OR6A2: variants seen among roughly 807,000 people sequenced by gnomAD.
OR6A2 encodes the protein olfactory receptor 6A2.
OR6A2 carries 6 observed loss-of-function variants against 7.1 expected under a neutral mutation model. The ratio of observed to expected loss-of-function variants is 0.85; its 90% CI spans 0.46 to 1.68. OR6A2 has a LOEUF of 1.68. OR6A2 is among the 40% of genes most tolerant of loss of function. The probability of loss-of-function intolerance (pLI) is 0.01; values close to 1 mark genes in which losing one functional copy is unlikely to be tolerated. For missense variants in OR6A2, 431 were observed against 398.0 expected (o/e 1.08, Z -0.71); for synonymous variants, 162 against 152.1 (o/e 1.06, Z -0.48).
rs1026513362 is a variant in OR6A2 at position 6,795,837 on chromosome 11, T to C, written c.-129A>G. ...ATACCACGTAAGGAGTTCATGTAAT[T>C]AATCACTGAGCTGAGGCCACTGCTC... On this transcript the variant is annotated 5_prime_UTR_variant, in exon 2 of 2. Transcript: ENST00000641196. 2.7e-6 allele frequency: 2 copies of C among 753,998 alleles called. No homozygotes were observed. Among genetic ancestry groups the C allele is most frequent in the Middle Eastern group, 3.9e-4 (1 of 2,548 alleles). The allele number at this position is 753,998 out of a possible 1,614,324, so 46.7% of individuals were successfully genotyped here. A position where few individuals can be genotyped will look rare whatever the true frequency, so the allele number is the denominator to read the frequency against.
rs1386885506 is a variant in OR6A2 at position 6,793,552 on chromosome 11, T to C, written c.*1173A>G. ...ATTTAAATAAATATATTGATGGCAA[T>C]GCTTAGCCACAGAATGCAATTTACA... On this transcript the variant is annotated 3_prime_UTR_variant, in exon 2 of 2. Transcript: ENST00000641196. 1.3e-5 allele frequency: 2 copies of C among 152,204 alleles called. No homozygotes were observed. The highest frequency in any genetic ancestry group is 4.8e-5 in the African/African-American group (2 of 41,460). 9.4% of individuals were successfully genotyped at this position (152,204 alleles called of 1,614,324 possible). A position where few individuals can be genotyped will look rare whatever the true frequency, so the allele number is the denominator to read the frequency against.
rs888883271 is a variant in OR6A2, at chr11:6,791,771, C to A, written c.*2954G>T. The A allele has an allele frequency of 6.6e-6, 1 of 152,104 alleles. No individual in the cohort carries two copies. The highest frequency in any genetic ancestry group is 1.5e-5 in the Non-Finnish European group (1 of 67,988). The allele number at this position is 152,104 out of a possible 1,614,324, so 9.4% of individuals were successfully genotyped here. A position where few individuals can be genotyped will look rare whatever the true frequency, so the allele number is the denominator to read the frequency against. On this transcript the variant is annotated 3_prime_UTR_variant, in exon 2 of 2. Coordinates refer to ENST00000641196, the MANE Select transcript of OR6A2 (RefSeq NM_003696.3). ...ACAACGTGTTTCTTTTTAAAATAAA[C>A]TTCTAAATTTTGGAACAATATTAGG...
chr11:6,794,864 A>G lies in OR6A2; in HGVS notation c.845T>C (p.Leu282Pro), dbSNP rs773611142. The change falls in exon 2 of 2, where the codon CTG becomes CCG. Residue 282 changes from leucine to proline, a missense_variant. Transcript: ENST00000641196. Reference sequence around the variant, plus strand: ...GAGCAATGGTACAATGACAGCATACAGTACAGAGACCAACTTGTTGGTGTC... The same window carrying G: ...GAGCAATGGTACAATGACAGCATACGGTACAGAGACCAACTTGTTGGTGTC... ...AFDTNKLVSV[L>P]YAVIVPLLNP... The G allele has an allele frequency of 1.2e-5, 19 of 1,614,074 alleles. No homozygotes were observed. Among genetic ancestry groups the G allele is most frequent in the South Asian group, 7.7e-5 (7 of 91,094 alleles).
In OR6A2 at chr11:6,794,968, G is replaced by C. The variant is rs370991796; in HGVS notation, c.741C>G (p.Ala247=). Residue 247 remains alanine (A), a synonymous_variant, in exon 2 of 2, where the codon GCC becomes GCG. Transcript: ENST00000641196. ...AGATTATCACAACAGTGAGATGAGA[G>C]GCACAGGTGGAAAAGGCCTTATAGC... ...AGRYKAFSTC[A]SHLTVVIIFY... 12 of 1,614,014 alleles carry C rather than the reference G, an allele frequency of 7.4e-6. No individual in the cohort carries two copies. In the African/African-American group the frequency reaches 1.6e-4, roughly 22 times the overall value.
At position 6,795,247 on chromosome 11, in the gene OR6A2, C is replaced by A. The variant is rs750582148; in HGVS notation, c.462G>T (p.Trp154Cys). 16 of 1,614,056 alleles carry A rather than the reference C, an allele frequency of 9.9e-6. No individual in the cohort carries two copies. Among genetic ancestry groups the A allele is most frequent in the Non-Finnish European group, 1.3e-5 (15 of 1,180,020 alleles). Residue 154 changes from tryptophan to cysteine, a missense_variant, in exon 2 of 2, where the codon TGG becomes TGT. Transcript: ENST00000641196. Reference protein sequence around the residue: ...RLCVQMAAGSWAGGFGISMVK... With the variant: ...RLCVQMAAGSCAGGFGISMVK... ...CCATGGAGATGCCAAAACCTCCAGC[C>A]CAAGAGCCAGCAGCCATCTGCACAC...
chr11:6,792,359 A>G lies in OR6A2; in HGVS notation c.*2366T>C, dbSNP rs1847697968. ...TTAAGAATGTGCTGTGAAGAAACTTAAAAGGCAGACTGAGAAATCTGGAGT... is the reference window on the plus strand; with the variant it reads ...TTAAGAATGTGCTGTGAAGAAACTTGAAAGGCAGACTGAGAAATCTGGAGT... On this transcript the variant is annotated 3_prime_UTR_variant, in exon 2 of 2. Transcript: ENST00000641196. The G allele has an allele frequency of 6.6e-6, 1 of 152,248 alleles. No individual in the cohort carries two copies. The highest frequency in any genetic ancestry group is 1.5e-5 in the Non-Finnish European group (1 of 68,056). 9.4% of individuals were successfully genotyped at this position (152,248 alleles called of 1,614,324 possible).
rs2133034196 is a variant in OR6A2, at chr11:6,794,635, C to T, written c.*90G>A. ...TAGTGATGCCTTTGAAACTCTGGCC[C>T]CCAATTTAGGCCCTAAGAACTCCAC... On this transcript the variant is annotated 3_prime_UTR_variant, in exon 2 of 2. Transcript: ENST00000641196. The T allele has an allele frequency of 1.3e-6, 2 of 1,506,576 alleles. No homozygotes were observed. Among genetic ancestry groups the T allele is most frequent in the Non-Finnish European group, 1.8e-6 (2 of 1,119,070 alleles). 93.3% of individuals were successfully genotyped at this position (1,506,576 alleles called of 1,614,324 possible).
rs1392495861 is a variant in OR6A2 at position 6,795,677 on chromosome 11, C to T, written c.32G>A (p.Ser11Asn). 2 of 1,613,854 alleles carry T rather than the reference C, an allele frequency of 1.2e-6. No individual in the cohort carries two copies. The highest frequency in any genetic ancestry group is 1.7e-5 in the Admixed American group (1 of 59,968). Residue 11 changes from serine to asparagine, a missense_variant, in exon 2 of 2, where the codon AGT becomes AAT. Transcript: ENST00000641196. ...AGGGAAGCCCAGCAACACAAACTCA[C>T]TCACTCTCCCACTATGGTTCCGCCA... MEWRNHSGRV[S>N]EFVLLGFPAP... is the part of the protein sequence containing the mutation.
At position 6,794,357 on chromosome 11, in the gene OR6A2, G is replaced by A. The variant is rs748347647; in HGVS notation, c.*368C>T. On this transcript the variant is annotated 3_prime_UTR_variant, in exon 2 of 2. Transcript: ENST00000641196. ...CTTATCTCCTTGCCTTGTAACACAC[G>A]CTAGAATGATATCTCCTGGGCCTCT... is the stretch of plus-strand genomic sequence containing the variant. The A allele has an allele frequency of 3.6e-5, 7 of 195,138 alleles. No homozygotes were observed. Among genetic ancestry groups the A allele is most frequent in the East Asian group, 1.2e-4 (1 of 8,516 alleles). The allele number at this position is 195,138 out of a possible 1,614,324, so 12.1% of individuals were successfully genotyped here. A position where few individuals can be genotyped will look rare whatever the true frequency, so the allele number is the denominator to read the frequency against.
intron 1 of OR6A2, among the ~76,000 whole-genome samples, chr11:6,797,250 C>T (rs932230778): frequency 2.6e-5 from 4 of 152,112 alleles, no homozygotes; most frequent in Non-Finnish European, 5.9e-5. Context: ...ATGCTCTAGA[C>T]CATGGGCTAA....
Position 6,792,792 on chromosome 11 carries a change from T to G in OR6A2, c.*1933A>C, listed in dbSNP as rs1213601715. The G allele has an allele frequency of 6.6e-6, 1 of 151,962 alleles. No homozygotes were observed. The highest frequency in any genetic ancestry group is 1.9e-4 in the East Asian group (1 of 5,196). 9.4% of individuals were successfully genotyped at this position (151,962 alleles called of 1,614,324 possible). ...AAGTTTTGTGACCTCAATTTCAATA[T>G]GAGTCCTGAGGGTCATATGTTCACT... is the stretch of plus-strand genomic sequence containing the variant. On this transcript the variant is annotated 3_prime_UTR_variant, in exon 2 of 2. Transcript: ENST00000641196.
In OR6A2 at chr11:6,795,802, T is replaced by A; in HGVS notation, c.-94A>T. On this transcript the variant is annotated 5_prime_UTR_variant, in exon 2 of 2. Coordinates refer to ENST00000641196, the MANE Select transcript of OR6A2 (RefSeq NM_003696.3). ...CCCAGCCTTTCTCTTAATGGGCTTATATTGGTCGAATACCACGTAAGGAGT... is the reference window on the plus strand; with the variant it reads ...CCCAGCCTTTCTCTTAATGGGCTTAAATTGGTCGAATACCACGTAAGGAGT... 2.6e-6 allele frequency: 3 copies of A among 1,165,826 alleles called. No homozygotes were observed. The highest frequency in any genetic ancestry group is 3.7e-6 in the Non-Finnish European group (3 of 805,812). 72.2% of individuals were successfully genotyped at this position (1,165,826 alleles called of 1,614,324 possible). A position where few individuals can be genotyped will look rare whatever the true frequency, so the allele number is the denominator to read the frequency against.
In OR6A2 at chr11:6,794,570, T is replaced by A; in HGVS notation, c.*155A>T. ...TTCTAGCTTGCAACCTATTCCTCTC[T>A]CTCCTCTTGGACTAGTTAAAGAAAG... is the stretch of plus-strand genomic sequence containing the variant. On this transcript the variant is annotated 3_prime_UTR_variant, in exon 2 of 2. Coordinates refer to ENST00000641196, the MANE Select transcript of OR6A2 (RefSeq NM_003696.3). 1 of 960,710 alleles carries A rather than the reference T, an allele frequency of 1.0e-6. No homozygotes were observed. Among genetic ancestry groups the A allele is most frequent in the Non-Finnish European group, 1.5e-6 (1 of 654,988 alleles). 59.5% of individuals were successfully genotyped at this position (960,710 alleles called of 1,614,324 possible). A position where few individuals can be genotyped will look rare whatever the true frequency, so the allele number is the denominator to read the frequency against.
Position 6,796,518 on chromosome 11 carries a change from T to G in OR6A2, c.-176-634A>C, listed in dbSNP as rs145137188. Among the ~76,000 whole-genome samples the G allele has an allele frequency of 5.3e-5, 8 of 152,226 alleles. No homozygotes were observed. The East Asian group carries it at 1.5e-3, about 29-fold the overall frequency. ...CAGAATACCAGAAGGTCACAGTACC[T>G]GTAGAGTGGAAGTCTGCAGAACCCA... is the stretch of plus-strand genomic sequence containing the variant. On this transcript the variant is annotated intron_variant, in intron 1 of 1. Coordinates refer to ENST00000641196, the MANE Select transcript of OR6A2 (RefSeq NM_003696.3).
At position 6,792,014 on chromosome 11, in the gene OR6A2, A is replaced by G. The variant is rs1312744367; in HGVS notation, c.*2711T>C. ...ACTTTATGTTCCAGGGTCCAATCCA[A>G]TATACCGTACTCCATATAGGTATCT... On this transcript the variant is annotated 3_prime_UTR_variant, in exon 2 of 2. Transcript: ENST00000641196. 6.6e-6 allele frequency: 1 copy of G among 152,236 alleles called. No homozygotes were observed. The highest frequency in any genetic ancestry group is 1.5e-5 in the Non-Finnish European group (1 of 68,036). 9.4% of individuals were successfully genotyped at this position (152,236 alleles called of 1,614,324 possible). A position where few individuals can be genotyped will look rare whatever the true frequency, so the allele number is the denominator to read the frequency against.
In OR6A2 at chr11:6,799,666, C is replaced by A. The variant is rs1372042504; in HGVS notation, c.-299G>T. 6.6e-6 allele frequency: 1 copy of A among 152,138 alleles called. No individual in the cohort carries two copies. The highest frequency in any genetic ancestry group is 2.4e-5 in the African/African-American group (1 of 41,420). The allele number at this position is 152,138 out of a possible 1,614,324, so 9.4% of individuals were successfully genotyped here. ...GACTAAGAAAGATGATACAGAGATT[C>A]CACTTTCTCTTCCTCCCATAGATAG... On this transcript the variant is annotated 5_prime_UTR_variant, in exon 1 of 2. Transcript: ENST00000641196.
In OR6A2 at chr11:6,795,642, G is replaced by T; in HGVS notation, c.67C>A (p.Pro23Thr). The T allele has an allele frequency of 6.2e-7, 1 of 1,613,918 alleles. No individual in the cohort carries two copies. The highest frequency in any genetic ancestry group is 1.1e-5 in the South Asian group (1 of 91,056). Residue 23 changes from proline to threonine, a missense_variant, in exon 2 of 2, where the codon CCA becomes ACA. By Grantham distance (38) the Pro-to-Thr change is conservative. Transcript: ENST00000641196. The part of the protein sequence containing the change: ...FVLLGFPAPA[P>T]LQVLLFALLL... ...AGGGCAAACAATAGTACCTGTAGTG[G>T]CGCAGGAGCAGGGAAGCCCAGCAAC...
At chr11:6,797,292 T>G (rs778792629) in intron 1 of OR6A2, among the ~76,000 whole-genome samples, 4 of 152,196 alleles carry the variant, frequency 2.6e-5, no homozygotes, top group East Asian at 3.8e-4. Context: ...CACAGACACA[T>G]GCTGAGTCTT....
intron 1 of OR6A2, among the ~76,000 whole-genome samples, chr11:6,799,136 A>T (rs1157830723): frequency 1.3e-5 from 2 of 152,194 alleles, no homozygotes; most frequent in African/African-American, 2.4e-5. Flanking sequence ...CAGGGACCAG[A>T]TAAAACATGA....
Sources: gnomAD v4.1 joint callset for allele counts (sites outside exome capture counted in the v4.1 genomes callset) on GRCh38, gnomAD v4.1.1 for gene constraint, MANE v1.5 for transcripts, NCBI Gene and HGNC (gene_info 2026-07-23, HGNC 2026-07-21) for gene names.